The following WDR36 variants were observed in gnomAD, a reference collection of about 807,000 sequenced individuals.
WDR36 encodes WD repeat domain 36.
A neutral mutation model predicts 112.7 loss-of-function variants in WDR36; 63 were observed. The ratio of observed to expected loss-of-function variants is 0.56; its 90% CI spans 0.46 to 0.69. WDR36 has a LOEUF of 0.69. WDR36 is among the 30% of genes least tolerant of loss of function. The pLI, the probability that WDR36 is intolerant of heterozygous loss-of-function variation, is 0.00. For synonymous variants in WDR36, 410 were observed against 362.2 expected (o/e 1.13, Z -1.50); for missense variants, 1,226 against 1,070.3 (o/e 1.15, Z -2.03).
Position 111,127,791 on chromosome 5 carries a change from T to C in WDR36, c.*908T>C, listed in dbSNP as rs923018464. 4 of 210,922 alleles carry C rather than the reference T, an allele frequency of 1.9e-5. No homozygotes were observed. The highest frequency in any genetic ancestry group is 3.9e-5 in the Non-Finnish European group (4 of 103,820). The allele number at this position is 210,922 out of a possible 1,614,324, so 13.1% of individuals were successfully genotyped here. A position where few individuals can be genotyped will look rare whatever the true frequency, so the allele number is the denominator to read the frequency against. On this transcript the variant is annotated 3_prime_UTR_variant, in exon 23 of 23. Coordinates refer to ENST00000513710, the MANE Select transcript of WDR36 (RefSeq NM_139281.3). ...GACACTGCAGACATGTAGATAACAA[T>C]AGTTTAATGTCCTCTGAAAAGGTAA...
At chr5:111,118,135 T>G (rs1191385728) in intron 16 of WDR36, among the ~76,000 whole-genome samples, 1 of 152,172 alleles carries the variant, frequency 6.6e-6, no homozygotes, top group Non-Finnish European at 1.5e-5. Context: ...TAACACAAAC[T>G]CAGGTGTTTG....
chr5:111,114,938 C>A (rs1753425872), intron 16 of WDR36, among the ~76,000 whole-genome samples: 2 of 152,090 alleles, frequency 1.3e-5, no homozygotes, highest in South Asian at 4.1e-4. Flanking sequence ...GTAAATTCGT[C>A]TTTGGAATGA....
Position 111,120,986 on chromosome 5 carries a change from T to C in WDR36, c.2003-10T>C. ...AAAATCTTTTGTTTTACCTGAAAAA[T>C]TTTTTTAAGATGTAGAAGTATCAGA... On this transcript the variant is annotated splice_polypyrimidine_tract_variant and intron_variant, in intron 18 of 22. Coordinates refer to ENST00000513710, the MANE Select transcript of WDR36 (RefSeq NM_139281.3). The C allele has an allele frequency of 6.2e-7, 1 of 1,609,456 alleles. No homozygotes were observed. Among genetic ancestry groups the C allele is most frequent in the South Asian group, 1.1e-5 (1 of 90,668 alleles).
At chr5:111,111,438 A>C in intron 15 of WDR36, 160 bp downstream of exon 15, 1 of 649,572 alleles carries the variant, frequency 1.5e-6, no homozygotes, top group Non-Finnish European at 2.7e-6. Flanking sequence ...TTAAAAGTTT[A>C]ATATTTTTCA....
At chr5:111,120,908 A>G in intron 18 of WDR36, 88 bp from the exon 19 acceptor site, 1 of 1,149,640 alleles carries the variant, frequency 8.7e-7, no homozygotes, top group Non-Finnish European at 1.3e-6. Context: ...TTAAATGAAC[A>G]TGTTATGAAA....
Position 111,104,776 on chromosome 5 carries a change from T to A in WDR36, c.986T>A (p.Ile329Asn). 6.2e-7 allele frequency: 1 copy of A among 1,611,334 alleles called. No individual in the cohort carries two copies. Among genetic ancestry groups the A allele is most frequent in the Non-Finnish European group, 8.5e-7 (1 of 1,177,920 alleles). ...RMGHSAPLTN[I>N]RYYGQNGQQI... Reference sequence around the variant, plus strand: ...GGTCATAGTGCTCCTCTTACCAATATCAGATATTATGGACAGAATGGACAG... The same window carrying A: ...GGTCATAGTGCTCCTCTTACCAATAACAGATATTATGGACAGAATGGACAG... The change falls in exon 9 of 23, where the codon ATC (isoleucine) becomes AAC (asparagine). Residue 329 changes from isoleucine to asparagine, a missense_variant. Coordinates refer to ENST00000513710, the MANE Select transcript of WDR36 (RefSeq NM_139281.3).
chr5:111,092,491 C>G lies in WDR36; in HGVS notation c.35C>G (p.Ala12Gly). The G allele has an allele frequency of 6.2e-7, 1 of 1,614,234 alleles. No individual in the cohort carries two copies. The highest frequency in any genetic ancestry group is 8.5e-7 in the Non-Finnish European group (1 of 1,180,042). ...ERASERRTASALFAGFRALGL... is the reference protein window; with the variant it reads ...ERASERRTASGLFAGFRALGL... ...GCCTCAGAAAGGCGCACGGCCAGCG[C>G]GCTTTTTGCGGGGTTCCGGGCCTTG... Residue 12 changes from alanine (A) to glycine (G), a missense_variant, in exon 1 of 23, where the codon GCG (alanine) becomes GGG (glycine). Coordinates refer to ENST00000513710, the MANE Select transcript of WDR36 (RefSeq NM_139281.3).
At position 111,103,643 on chromosome 5, in the gene WDR36, G is replaced by T. The variant is rs958336490; in HGVS notation, c.598-143G>T. The T allele has an allele frequency of 4.9e-6, 5 of 1,020,468 alleles. No homozygotes were observed. The South Asian group carries it at 6.2e-5, about 13-fold the overall frequency. 63.2% of individuals were successfully genotyped at this position (1,020,468 alleles called of 1,614,324 possible). A position where few individuals can be genotyped will look rare whatever the true frequency, so the allele number is the denominator to read the frequency against. ...CTGAATAAAAAAGTATGCTTGAATG[G>T]TAATACTTGCTGAGTTTTTCTGCCA... On this transcript the variant is annotated intron_variant, in intron 6 of 22. Coordinates refer to ENST00000513710, the MANE Select transcript of WDR36 (RefSeq NM_139281.3).
At position 111,104,055 on chromosome 5, in the gene WDR36, A is replaced by G. The variant is rs1753172438; in HGVS notation, c.731-122A>G. On this transcript the variant is annotated intron_variant, in intron 7 of 22. Transcript: ENST00000513710. Reference sequence around the variant, plus strand: ...CTGGAGTAAAAGGCAAAGAAATATGAATAGATTATTGGTATATAGTTTTTT... The same window carrying G: ...CTGGAGTAAAAGGCAAAGAAATATGGATAGATTATTGGTATATAGTTTTTT... 3 of 1,384,066 alleles carry G rather than the reference A, an allele frequency of 2.2e-6. No individual in the cohort carries two copies. The South Asian group carries it at 3.9e-5, about 18-fold the overall frequency. 85.7% of individuals were successfully genotyped at this position (1,384,066 alleles called of 1,614,324 possible). A position where few individuals can be genotyped will look rare whatever the true frequency, so the allele number is the denominator to read the frequency against.
intron 11 of WDR36, among the ~76,000 whole-genome samples, chr5:111,106,885 GT>G (rs920023370): frequency 7.3e-5 from 11 of 150,812 alleles, no homozygotes; most frequent in African/African-American, 2.7e-4. Flanking sequence ...TTTTTTTCTT[GT>G]GCATGTTATC....
chr5:111,108,970 C>A (rs928454256), intron 12 of WDR36, among the ~76,000 whole-genome samples: 8 of 151,254 alleles, frequency 5.3e-5, no homozygotes, highest in African/African-American at 1.7e-4. Flanking sequence ...AGCAAAAATA[C>A]GTATAGAGAG....
chr5:111,104,194 G>A lies in WDR36; in HGVS notation c.748G>A (p.Ala250Thr). 6.2e-7 allele frequency: 1 copy of A among 1,611,074 alleles called. No homozygotes were observed. The highest frequency in any genetic ancestry group is 8.5e-7 in the Non-Finnish European group (1 of 1,178,100). ...SFRTDGHPVMAAGSPCGHIGL... is the reference protein window; with the variant it reads ...SFRTDGHPVMTAGSPCGHIGL... ...AATAACAGATGGTCATCCAGTAATG[G>A]CAGCTGGAAGCCCATGTGGCCATAT... Residue 250 changes from alanine (A) to threonine (T), a missense_variant, in exon 8 of 23, where the codon GCA becomes ACA. Physicochemically the swap from Ala to Thr is moderately conservative, Grantham distance 58. Coordinates refer to ENST00000513710, the MANE Select transcript of WDR36 (RefSeq NM_139281.3).
intron 11 of WDR36, among the ~76,000 whole-genome samples, chr5:111,106,927 C>T (rs1382508272): frequency 2.0e-5 from 3 of 151,288 alleles, no homozygotes; most frequent in Admixed American, 6.6e-5. Context: ...TGTTCTACTA[C>T]TCCATCCAGA....
chr5:111,095,075 A>G (rs938868838), intron 2 of WDR36, 128 bp downstream of exon 2: 15 of 840,992 alleles, frequency 1.8e-5, no homozygotes, highest in Non-Finnish European at 2.6e-5. Context: ...TTACATTATC[A>G]GCAACAAAAA....
intron 12 of WDR36, among the ~76,000 whole-genome samples, chr5:111,108,104 G>C (rs539406643): frequency 6.6e-6 from 1 of 151,240 alleles, no homozygotes; most frequent in Non-Finnish European, 1.5e-5. Flanking sequence ...TGAACATGGG[G>C]TGTTTTTCCA....
Position 111,103,787 on chromosome 5 carries a change from C to T in WDR36, c.599C>T (p.Ala200Val). The change falls in exon 7 of 23, where the codon GCA (alanine) becomes GTA (valine). Residue 200 changes from alanine (A) to valine (V), a missense_variant and splice_region_variant. Coordinates refer to ENST00000513710, the MANE Select transcript of WDR36 (RefSeq NM_139281.3). ...AAGTTTGAATAATTTAATTTTTAGGCACCAGCCGTGGATGTTGTTGCTATT... is the reference window on the plus strand; with the variant it reads ...AAGTTTGAATAATTTAATTTTTAGGTACCAGCCGTGGATGTTGTTGCTATT... Reference protein sequence around the residue: ...WKVGVTALQQAPAVDVVAIGL... With the variant: ...WKVGVTALQQVPAVDVVAIGL... 1.2e-6 allele frequency: 2 copies of T among 1,610,628 alleles called. No individual in the cohort carries two copies. Among genetic ancestry groups the T allele is most frequent in the Non-Finnish European group, 8.5e-7 (1 of 1,177,792 alleles).
At chr5:111,094,309 T>C (rs1752931608) in intron 1 of WDR36, among the ~76,000 whole-genome samples, 1 of 152,202 alleles carries the variant, frequency 6.6e-6, no homozygotes, top group African/African-American at 2.4e-5. Flanking sequence ...AATAAATACC[T>C]GTTTTACAGA....
chr5:111,102,038 T>C (rs1053791958), intron 5 of WDR36, among the ~76,000 whole-genome samples: 1 of 151,732 alleles, frequency 6.6e-6, no homozygotes, highest in African/African-American at 2.4e-5. Context: ...ATAAAGATAC[T>C]GCAGTCCTAA....
intron 16 of WDR36, 70 bp downstream of exon 16, chr5:111,113,223 A>G (rs2112581170): frequency 2.1e-6 from 2 of 932,560 alleles, no homozygotes; most frequent in Non-Finnish European, 3.4e-6. Flanking sequence ...TGTGACTTTT[A>G]CCGATAGTTA....
Sources: allele counts gnomAD v4.1 joint callset (sites outside exome capture counted in the v4.1 genomes callset), GRCh38; gene constraint gnomAD v4.1.1; transcripts MANE v1.5; gene names NCBI Gene and HGNC (gene_info 2026-07-23, HGNC 2026-07-21).